PRRC2C: variants seen among roughly 807,000 people sequenced by gnomAD.
The protein encoded by PRRC2C is proline rich coiled-coil 2C.
A neutral mutation model predicts 317.2 loss-of-function variants in PRRC2C; 72 were observed. That is an observed-to-expected ratio of 0.23 (90% CI 0.19 to 0.28). PRRC2C has a LOEUF of 0.28. Ranked by LOEUF, PRRC2C falls within the 10% of genes least tolerant of loss-of-function variation. PRRC2C has a pLI of 1.00. For synonymous variants in PRRC2C, 1,296 were observed against 1,205.9 expected, an observed-to-expected ratio of 1.07 and a Z score of -1.55; for missense variants, 3,074 against 3,459.7, an observed-to-expected ratio of 0.89 and a Z score of 2.80.
chr1:171,522,386 C>G, intron 7 of PRRC2C, 127 bp downstream of exon 7: 2 of 496,346 alleles, frequency 4.0e-6, no homozygotes. Context: ...GTACAGTTGT[C>G]ATTAGTAAAT....
chr1:171,549,930 T>C (rs1201876711), intron 17 of PRRC2C, among the ~76,000 whole-genome samples, 156 bp from the exon 18 acceptor site: 2 of 151,964 alleles, frequency 1.3e-5, no homozygotes, highest in Non-Finnish European at 2.9e-5. Flanking sequence ...TGAATGGCCA[T>C]GCAATAGGGT....
intron 16 of PRRC2C, 148 bp from the exon 17 acceptor site, chr1:171,545,331 A>G (rs1678873138): frequency 3.2e-6 from 2 of 634,364 alleles, no homozygotes; most frequent in Middle Eastern, 4.5e-4. Flanking sequence ...GCTGAACAAA[A>G]GTTACTAATG....
In PRRC2C at chr1:171,539,989, C is replaced by T. The variant is rs1414700569; in HGVS notation, c.2523C>T (p.Asp841=). 1.2e-6 allele frequency: 2 copies of T among 1,611,058 alleles called. No individual in the cohort carries two copies. Among genetic ancestry groups the T allele is most frequent in the Admixed American group, 3.4e-5 (2 of 59,416 alleles). ...ATCATAGGTCTGAAGCTGCGTTGGA[C>T]CAGGAACAGATTACTGCTGCTTATT... The part of the protein sequence containing the change: ...PEDVRSEAAL[D]QEQITAAYSV... The change falls in exon 16 of 35, where the codon GAC becomes GAT. Residue 841 remains aspartate, a synonymous_variant. Coordinates refer to ENST00000647382, the MANE Select transcript of PRRC2C (RefSeq NM_001387844.1).
At chr1:171,586,641 C>T (rs1318296232) in intron 30 of PRRC2C, among the ~76,000 whole-genome samples, 2 of 150,874 alleles carry the variant, frequency 1.3e-5, no homozygotes, top group South Asian at 2.1e-4. Flanking sequence ...AGTGCAGTGG[C>T]AGGATCTCGG....
At chr1:171,571,773 T>C (rs1345117508) in intron 24 of PRRC2C, among the ~76,000 whole-genome samples, 1 of 152,214 alleles carries the variant, frequency 6.6e-6, no homozygotes. Flanking sequence ...TTTCATGTTT[T>C]TATGATTGTT....
At position 171,565,062 on chromosome 1, in the gene PRRC2C, T is replaced by TG. The variant is rs371410165; in HGVS notation, c.6118-1170dup. 1.7e-4 allele frequency among the ~76,000 whole-genome samples: 26 copies of TG among 152,324 alleles called. 1 individual carries two copies. The East Asian group carries it at 5.0e-3, about 29-fold the overall frequency. On this transcript the variant is annotated intron_variant, in intron 20 of 34. Transcript: ENST00000647382. ...ATTTTGACCCTAGTTTTGCTTTTTA[T>TG]GTTTGTCTTTTCATGAAAAGATTAA...
At chr1:171,493,130 T>C (rs1667490418) in intron 1 of PRRC2C, among the ~76,000 whole-genome samples, 1 of 152,082 alleles carries the variant, frequency 6.6e-6, no homozygotes, top group African/African-American at 2.4e-5. Context: ...GACTGGATAT[T>C]TCAGTGGTAG....
chr1:171,553,780 G>C (rs1428227475), intron 18 of PRRC2C, among the ~76,000 whole-genome samples: 1 of 152,190 alleles, frequency 6.6e-6, no homozygotes, highest in Non-Finnish European at 1.5e-5. Context: ...GTGTGGTTTT[G>C]AGTGAGTTTC....
chr1:171,522,486 C>T, intron 7 of PRRC2C: 1 of 272,710 alleles, frequency 3.7e-6, no homozygotes. Flanking sequence ...AACTGAAAAC[C>T]AGGCCGGGGA....
At chr1:171,559,379 G>T (rs1244140079) in intron 19 of PRRC2C, among the ~76,000 whole-genome samples, 2 of 151,960 alleles carry the variant, frequency 1.3e-5, no homozygotes, top group East Asian at 3.9e-4. Flanking sequence ...TGAAGCCCCT[G>T]CTCATTTACC....
chr1:171,497,080 C>T (rs1414086698), intron 1 of PRRC2C, among the ~76,000 whole-genome samples: 1 of 152,118 alleles, frequency 6.6e-6, no homozygotes, highest in Non-Finnish European at 1.5e-5. Context: ...CATGAGCCAC[C>T]ATGCCCCACC....
Position 171,540,667 on chromosome 1 carries a change from T to A in PRRC2C, c.3201T>A (p.Pro1067=). 1.2e-6 allele frequency: 2 copies of A among 1,613,822 alleles called. No homozygotes were observed. Among genetic ancestry groups the A allele is most frequent in the Non-Finnish European group, 1.7e-6 (2 of 1,179,838 alleles). Residue 1067 remains proline, a synonymous_variant, in exon 16 of 35, where the codon CCT becomes CCA. Coordinates refer to ENST00000647382, the MANE Select transcript of PRRC2C (RefSeq NM_001387844.1). The part of the protein sequence containing the change: ...KKDLPPPPPP[P]QPPAPIQPQS... ...ATCTTCCTCCTCCCCCACCACCACC[T>A]CAGCCACCAGCACCAATTCAGCCAC...
chr1:171,512,964 T>C, intron 2 of PRRC2C, 31 bp from the exon 3 acceptor site: 2 of 1,570,288 alleles, frequency 1.3e-6, no homozygotes, highest in Non-Finnish European at 1.7e-6. Context: ...AAAATAGATG[T>C]TCTAAGAAAG....
At chr1:171,509,187 A>G (rs528721533) in intron 1 of PRRC2C, among the ~76,000 whole-genome samples, 28 of 152,198 alleles carry the variant, frequency 1.8e-4, no homozygotes, top group African/African-American at 6.7e-4. Flanking sequence ...GCCCGGCCCA[A>G]TTTGATTTTT....
At chr1:171,567,302 A>G (rs1014464230) in intron 22 of PRRC2C, among the ~76,000 whole-genome samples, 1 of 152,198 alleles carries the variant, frequency 6.6e-6, no homozygotes, top group Admixed American at 6.5e-5. Flanking sequence ...GTTGACTCAC[A>G]TTTAGGGGCC....
chr1:171,535,626 G>T lies in PRRC2C; in HGVS notation c.2043+29G>T, dbSNP rs757742617. 5.0e-6 allele frequency: 8 copies of T among 1,605,910 alleles called. No individual in the cohort carries two copies. The East Asian group carries it at 1.6e-4, about 31-fold the overall frequency. ...ATGATAAAAATATTTTATCATGTAT[G>T]TGTGATTGAAGTGGTTTATTATGCA... On this transcript the variant is annotated intron_variant, in intron 13 of 34. Coordinates refer to ENST00000647382, the MANE Select transcript of PRRC2C (RefSeq NM_001387844.1).
At chr1:171,542,730 A>AT (rs951509003) in intron 16 of PRRC2C, among the ~76,000 whole-genome samples, 4 of 152,116 alleles carry the variant, frequency 2.6e-5, no homozygotes, top group African/African-American at 9.6e-5. Flanking sequence ...TTAAAAAAAT[A>AT]TTTTTTCTCA....
chr1:171,536,841 T>A (rs1345944448), intron 14 of PRRC2C, among the ~76,000 whole-genome samples: 2 of 152,324 alleles, frequency 1.3e-5, no homozygotes, highest in East Asian at 3.9e-4. Context: ...AAGTGGCATA[T>A]TTTGTAGAAT....
intron 1 of PRRC2C, among the ~76,000 whole-genome samples, chr1:171,497,763 G>T (rs545371237): frequency 3.0e-4 from 45 of 152,190 alleles, no homozygotes; most frequent in African/African-American, 1.1e-3. Context: ...GCCACTGCGC[G>T]TGGCCCTAAT....
Sources: gnomAD v4.1 joint callset for allele counts (sites outside exome capture counted in the v4.1 genomes callset) on GRCh38, gnomAD v4.1.1 for gene constraint, MANE v1.5 for transcripts, NCBI Gene and HGNC (gene_info 2026-07-23, HGNC 2026-07-21) for gene names.